LRP1: variants seen among roughly 807,000 people sequenced by gnomAD.
LRP1 encodes LDL receptor related protein 1, also known as prolow-density lipoprotein receptor-related protein 1.
A neutral mutation model predicts 541.5 loss-of-function variants in LRP1; 51 were observed. That is an observed-to-expected ratio of 0.09 (90% CI 0.08 to 0.12). The LOEUF (loss-of-function observed/expected upper bound fraction) is 0.12. LRP1 is among the 10% of genes least tolerant of loss of function. The pLI, the probability that LRP1 is intolerant of heterozygous loss-of-function variation, is 1.00. For missense variants in LRP1, 3,878 were observed against 6,376.2 expected, an observed-to-expected ratio of 0.61 and a Z score of 13.34; for synonymous variants, 2,219 against 2,470.8, an observed-to-expected ratio of 0.90 and a Z score of 3.02.
At chr12:57,131,014 G>A (rs2035027319) in intron 1 of LRP1, among the ~76,000 whole-genome samples, 1 of 152,192 alleles carries the variant, frequency 6.6e-6, no homozygotes, top group African/African-American at 2.4e-5. Flanking sequence ...GAATTGCATA[G>A]AAATGTAAGT....
At chr12:57,138,318 C>G (rs889676623) in intron 1 of LRP1, 141 bp from the exon 2 acceptor site, 19 of 1,018,590 alleles carry the variant, frequency 1.9e-5, no homozygotes, top group Non-Finnish European at 2.8e-5. Context: ...CCCTGACACC[C>G]CCAGGCACAT....
chr12:57,188,983 G>T (rs780962711), intron 42 of LRP1, among the ~76,000 whole-genome samples: 1 of 152,218 alleles, frequency 6.6e-6, no homozygotes, highest in Admixed American at 6.5e-5. Context: ...GAAGGAGCCA[G>T]TGTGGACCCC....
At position 57,173,226 on chromosome 12, in the gene LRP1, A is replaced by G. The variant is rs2035979752; in HGVS notation, c.3222A>G (p.Leu1074=). 1 of 1,613,742 alleles carries G rather than the reference A, an allele frequency of 6.2e-7. No individual in the cohort carries two copies. Among genetic ancestry groups the G allele is most frequent in the Admixed American group, 1.7e-5 (1 of 59,990 alleles). The change falls in exon 21 of 89, where the codon CTA becomes CTG. Residue 1074 remains leucine, a synonymous_variant. Transcript: ENST00000243077. The surrounding 1 kb of genome is among the most constrained non-coding windows in gnomAD (Gnocchi z 4.7). ...TDEFQCRLDG[L]CIPLRWRCDG... is the part of the protein sequence containing the mutation. ...AGTTCCAGTGCCGGCTGGATGGACT[A>G]TGCATCCCCCTGCGGTGGCGCTGCG...
In LRP1 at chr12:57,173,088, C is replaced by T. The variant is rs576416701; in HGVS notation, c.3164-80C>T. On this transcript the variant is annotated intron_variant, in intron 20 of 88. Coordinates refer to ENST00000243077, the MANE Select transcript of LRP1 (RefSeq NM_002332.3). This position sits in a 1 kb window ranked among gnomAD's most constrained non-coding sequence, Gnocchi z 4.7. ...GCTCATATCCCCAGGCTGGGCTTAC[C>T]GGGGTGGCAGGGCACAGGGATGAGG... The T allele has an allele frequency of 8.5e-5, 106 of 1,244,158 alleles. No homozygotes were observed. In the African/African-American group the frequency reaches 1.2e-3, roughly 14 times the overall value. 77.1% of individuals were successfully genotyped at this position (1,244,158 alleles called of 1,614,324 possible).
Position 57,179,654 on chromosome 12 carries a change from C to T in LRP1, c.4966+98C>T. On this transcript the variant is annotated intron_variant, in intron 29 of 88. Transcript: ENST00000243077. The surrounding 1 kb of genome is among the most constrained non-coding windows in gnomAD (Gnocchi z 6.8). ...TACTTGGTCCGAGTGGTCCTTCTCC[C>T]AGTCCTGTTCCCCCTCAGTGCTCCA... 1.4e-6 allele frequency: 2 copies of T among 1,406,504 alleles called. No homozygotes were observed. Among genetic ancestry groups the T allele is most frequent in the East Asian group, 2.3e-5 (1 of 43,778 alleles). 87.1% of individuals were successfully genotyped at this position (1,406,504 alleles called of 1,614,324 possible). A position where few individuals can be genotyped will look rare whatever the true frequency, so the allele number is the denominator to read the frequency against.
Position 57,195,034 on chromosome 12 carries a change from C to A in LRP1, c.8241C>A (p.Ile2747=). 3.7e-6 allele frequency: 6 copies of A among 1,614,150 alleles called. No homozygotes were observed. The highest frequency in any genetic ancestry group is 4.2e-6 in the Non-Finnish European group (5 of 1,180,004). ...AQFECQNHRC[I]SKQWLCDGSD... is the part of the protein sequence containing the mutation. ...TTGAGTGCCAGAACCATCGCTGCAT[C>A]TCCAAGCAGTGGCTGTGTGACGGCA... is the stretch of plus-strand genomic sequence containing the variant. The change falls in exon 51 of 89, where the codon ATC becomes ATA. Residue 2747 remains isoleucine (I), a synonymous_variant. Transcript: ENST00000243077.
intron 1 of LRP1, among the ~76,000 whole-genome samples, chr12:57,135,196 G>T (rs2035131558): frequency 6.6e-6 from 1 of 152,228 alleles, no homozygotes; most frequent in African/African-American, 2.4e-5. Context: ...GGTTAGCAAG[G>T]TGAAAAAGGT....
chr12:57,202,687 G>A (rs938393212), intron 68 of LRP1, 150 bp downstream of exon 68: 37 of 628,676 alleles, frequency 5.9e-5, no homozygotes, highest in Admixed American at 1.0e-4. Context: ...ACTCCATGTC[G>A]TGTATTTGAG....
intron 20 of LRP1, among the ~76,000 whole-genome samples, chr12:57,172,577 C>A (rs542974764): frequency 6.6e-6 from 1 of 152,176 alleles, no homozygotes; most frequent in African/African-American, 2.4e-5. Flanking sequence ...TGGGCTCACT[C>A]GCTCTTCATG....
rs1426782463 is a variant in LRP1 at position 57,154,771 on chromosome 12, C to T, written c.1227+70C>T. ...AGGGCCTTCTGGTGAGGGGGGAAGC[C>T]TCTGTAGGGGAACCGTTCTCTGAGT... On this transcript the variant is annotated intron_variant, in intron 8 of 88. Transcript: ENST00000243077. This position sits in a 1 kb window ranked among gnomAD's most constrained non-coding sequence, Gnocchi z 4.6. The T allele has an allele frequency of 2.9e-6, 4 of 1,388,334 alleles. No individual in the cohort carries two copies. Among genetic ancestry groups the T allele is most frequent in the Non-Finnish European group, 4.0e-6 (4 of 1,000,972 alleles). The allele number at this position is 1,388,334 out of a possible 1,614,324, so 86.0% of individuals were successfully genotyped here. A position where few individuals can be genotyped will look rare whatever the true frequency, so the allele number is the denominator to read the frequency against.
chr12:57,198,311 G>A lies in LRP1; in HGVS notation c.9438G>A (p.Glu3146=), dbSNP rs764120567. 1.2e-6 allele frequency: 2 copies of A among 1,613,930 alleles called. No homozygotes were observed. The highest frequency in any genetic ancestry group is 3.3e-5 in the Admixed American group (2 of 60,024). ...TGCTGGTCAGCTCTGGCCTCCGTGAGCCCAGGGCTCTGGTGGTGGATGTGC... is the reference window on the plus strand; with the variant it reads ...TGCTGGTCAGCTCTGGCCTCCGTGAACCCAGGGCTCTGGTGGTGGATGTGC... ...RTVLVSSGLR[E]PRALVVDVQN... is the part of the protein sequence containing the mutation. Residue 3146 remains glutamate (E), a synonymous_variant, in exon 59 of 89, where the codon GAG becomes GAA. Coordinates refer to ENST00000243077, the MANE Select transcript of LRP1 (RefSeq NM_002332.3).
At position 57,205,741 on chromosome 12, in the gene LRP1, G is replaced by A. The variant is rs1565754796; in HGVS notation, c.11590+64G>A. 6 of 1,588,582 alleles carry A rather than the reference G, an allele frequency of 3.8e-6. No homozygotes were observed. Among genetic ancestry groups the A allele is most frequent in the Non-Finnish European group, 5.1e-6 (6 of 1,172,922 alleles). On this transcript the variant is annotated intron_variant, in intron 75 of 88. Coordinates refer to ENST00000243077, the MANE Select transcript of LRP1 (RefSeq NM_002332.3). This position sits in a 1 kb window ranked among gnomAD's most constrained non-coding sequence, Gnocchi z 4.6. ...CAGGGCGACCAGGATATCAAACGGG[G>A]CCGACTTGGAATGGAATGTCTTCCT...
At position 57,178,861 on chromosome 12, in the gene LRP1, G is replaced by A. The variant is rs1555184754; in HGVS notation, c.4607-29G>A. 1 of 1,597,346 alleles carries A rather than the reference G, an allele frequency of 6.3e-7. No homozygotes were observed. The highest frequency in any genetic ancestry group is 1.1e-5 in the South Asian group (1 of 88,740). On this transcript the variant is annotated intron_variant, in intron 27 of 88. Transcript: ENST00000243077. The surrounding 1 kb of genome is among the most constrained non-coding windows in gnomAD (Gnocchi z 5.8). Reference sequence around the variant, plus strand: ...GAGCAGCAAGTCACAGGATGCTCTGGCTTCTTCTCTTCTCCACCCTGCCCC... The same window carrying A: ...GAGCAGCAAGTCACAGGATGCTCTGACTTCTTCTCTTCTCCACCCTGCCCC...
intron 3 of LRP1, among the ~76,000 whole-genome samples, chr12:57,142,769 CTG>C (rs909211932): frequency 9.2e-5 from 14 of 152,272 alleles, no homozygotes; most frequent in South Asian, 4.1e-4. Context: ...TTTTCCCCCT[CTG>C]TGGAGAAAGG....
chr12:57,152,538 A>G (rs1429044533), intron 6 of LRP1, among the ~76,000 whole-genome samples: 1 of 152,098 alleles, frequency 6.6e-6, no homozygotes, highest in Admixed American at 6.5e-5. Flanking sequence ...CTCTGTGGTT[A>G]CAGCGTGTGG....
intron 1 of LRP1, 108 bp from the exon 2 acceptor site, chr12:57,138,351 C>A: frequency 7.2e-7 from 1 of 1,380,292 alleles, no homozygotes; most frequent in Non-Finnish European, 1.0e-6. Context: ...AGGGTCTGGG[C>A]CAGATGGAGA....
intron 3 of LRP1, among the ~76,000 whole-genome samples, chr12:57,143,048 C>G (rs889290305): frequency 6.6e-6 from 1 of 152,108 alleles, no homozygotes; most frequent in Non-Finnish European, 1.5e-5. Context: ...GCTCTCCCAC[C>G]TCTCCCCCCT....
At chr12:57,132,179 G>C (rs1165180825) in intron 1 of LRP1, 1 of 152,346 alleles carries the variant, frequency 6.6e-6, no homozygotes, top group Non-Finnish European at 1.5e-5. Context: ...CTGGTTAGCA[G>C]GATCCTGCAT....
chr12:57,193,834 C>T, intron 47 of LRP1, 65 bp from the exon 48 acceptor site: 1 of 1,588,576 alleles, frequency 6.3e-7, no homozygotes, highest in Non-Finnish European at 8.6e-7. Context: ...GAGCTCTGTC[C>T]TGCGTCCTTC....
Sources: gnomAD v4.1 joint callset for allele counts (sites outside exome capture counted in the v4.1 genomes callset) on GRCh38, gnomAD v4.1.1 for gene constraint, Gnocchi (gnomAD v3.1) non-coding constraint, MANE v1.5 for transcripts, NCBI Gene and HGNC (gene_info 2026-07-23, HGNC 2026-07-21) for gene names.